The following KAT2B variants were observed in gnomAD, a reference collection of about 807,000 sequenced individuals.
KAT2B encodes histone acetyltransferase KAT2B.
Under a neutral mutation model 105.9 loss-of-function variants are expected in KAT2B, and 36 were observed. The ratio of observed to expected loss-of-function variants is 0.34; its 90% confidence interval spans 0.26 to 0.45. The LOEUF is 0.45. Among genes scored for constraint, KAT2B ranks in the 20% least tolerant of loss-of-function variants. The pLI, the probability that KAT2B is intolerant of heterozygous loss-of-function variation, is 1.00. For missense variants in KAT2B, 820 were observed against 1,021.6 expected (o/e 0.80, Z 2.69); for synonymous variants, 397 against 377.9 (o/e 1.05, Z -0.59).
chr3:20,107,457 A>G (rs1699041133), intron 5 of KAT2B, among the ~76,000 whole-genome samples: 3 of 151,404 alleles, frequency 2.0e-5, no homozygotes. Flanking sequence ...CAGGAGTTCA[A>G]GACCAGCCTG....
intron 1 of KAT2B, among the ~76,000 whole-genome samples, chr3:20,062,296 T>A (rs190296173): frequency 0.036 from 1,769 of 48,810 alleles, 252 homozygotes; most frequent in Non-Finnish European, 0.075. Flanking sequence ...TAATATATAA[T>A]ATATAAAATA....
intron 1 of KAT2B, among the ~76,000 whole-genome samples, chr3:20,061,195 T>C (rs1273068982): frequency 6.6e-6 from 1 of 152,198 alleles, no homozygotes; most frequent in Non-Finnish European, 1.5e-5. Context: ...TGAATTTGGC[T>C]ACCATAGACA....
At chr3:20,067,746 C>T (rs147694086) in intron 1 of KAT2B, among the ~76,000 whole-genome samples, 9,288 of 152,060 alleles carry the variant, frequency 0.061, 302 homozygotes, top group Non-Finnish European at 0.075. Context: ...GCGATCTTGG[C>T]TCACTGCAAC....
chr3:20,057,657 A>T (rs1698023985), intron 1 of KAT2B, among the ~76,000 whole-genome samples: 1 of 152,194 alleles, frequency 6.6e-6, no homozygotes, highest in African/African-American at 2.4e-5. Context: ...TGGATTTAGC[A>T]TTCCAGGGTA....
At chr3:20,062,557 G>A (rs1359328990) in intron 1 of KAT2B, among the ~76,000 whole-genome samples, 3 of 149,504 alleles carry the variant, frequency 2.0e-5, no homozygotes, top group African/African-American at 7.4e-5. Flanking sequence ...TGCCTCCTGG[G>A]TTCAAGCGAT....
intron 2 of KAT2B, among the ~76,000 whole-genome samples, chr3:20,072,899 A>G (rs537559103): frequency 5.1e-4 from 78 of 151,978 alleles, no homozygotes; most frequent in Middle Eastern, 3.4e-3. Flanking sequence ...TTTTATCTTC[A>G]TATTCCTTAG....
chr3:20,080,977 C>T (rs1698508888), intron 2 of KAT2B, among the ~76,000 whole-genome samples: 1 of 152,150 alleles, frequency 6.6e-6, no homozygotes, highest in Admixed American at 6.6e-5. Context: ...CTGGACTGCT[C>T]TCATCTAATG....
chr3:20,073,292 A>G (rs899900250), intron 2 of KAT2B, among the ~76,000 whole-genome samples: 1 of 152,204 alleles, frequency 6.6e-6, no homozygotes, highest in Non-Finnish European at 1.5e-5. Context: ...CTGCAAGGAC[A>G]TAGCACTCAC....
At chr3:20,065,410 G>A (rs1490079645) in intron 1 of KAT2B, among the ~76,000 whole-genome samples, 1 of 152,150 alleles carries the variant, frequency 6.6e-6, no homozygotes, top group Non-Finnish European at 1.5e-5. Flanking sequence ...GAGAGACATG[G>A]GAAAGGTGTT....
chr3:20,117,090 G>A (rs1208398388), intron 7 of KAT2B, among the ~76,000 whole-genome samples: 1 of 149,658 alleles, frequency 6.7e-6, no homozygotes, highest in Non-Finnish European at 1.5e-5. Context: ...GGATTTCTGT[G>A]TGTGAAAACT....
intron 11 of KAT2B, among the ~76,000 whole-genome samples, chr3:20,132,101 G>A (rs888851046): frequency 2.6e-5 from 4 of 152,146 alleles, no homozygotes; most frequent in South Asian, 2.1e-4. Context: ...TGGGCCAGGC[G>A]TGGTGGCTCA....
At chr3:20,107,093 T>A (rs1413551422) in intron 5 of KAT2B, among the ~76,000 whole-genome samples, 1 of 128,666 alleles carries the variant, frequency 7.8e-6, no homozygotes, top group African/African-American at 2.9e-5. Flanking sequence ...GGTGCAGTGG[T>A]GCAATCTTGG....
rs948386410 is a variant in KAT2B, at chr3:20,152,263, C to T, written c.2306-69C>T. ...AAACCAACAACATAGATTCCTTTCC[C>T]AGTCCCAGTTTTGTCAGCTGGTGTT... On this transcript the variant is annotated intron_variant, in intron 17 of 17. Transcript: ENST00000263754. 4 of 1,046,362 alleles carry T rather than the reference C, an allele frequency of 3.8e-6. No individual in the cohort carries two copies. In the Admixed American group the frequency reaches 8.5e-5, roughly 22 times the overall value. 64.8% of individuals were successfully genotyped at this position (1,046,362 alleles called of 1,614,324 possible).
At chr3:20,061,052 A>T (rs191959802) in intron 1 of KAT2B, among the ~76,000 whole-genome samples, 3 of 152,194 alleles carry the variant, frequency 2.0e-5, no homozygotes, top group African/African-American at 7.2e-5. Context: ...AGAAATTCAC[A>T]TTATTGTGCA....
At position 20,072,345 on chromosome 3, in the gene KAT2B, T is replaced by C. The variant is rs1400812066; in HGVS notation, c.316T>C (p.Cys106Arg). 6.2e-7 allele frequency: 1 copy of C among 1,613,570 alleles called. No individual in the cohort carries two copies. The highest frequency in any genetic ancestry group is 8.5e-7 in the Non-Finnish European group (1 of 1,179,570). ...VYSACKAEES[C>R]KCNGWKNPNP... ...ATTCCATTTTTAGGCCGAGGAGTCT[T>C]GTAAATGTAATGGCTGGAAAAACCC... Residue 106 changes from cysteine to arginine, a missense_variant, in exon 2 of 18, where the codon TGT becomes CGT. Cys to Arg is a radical substitution (Grantham distance 180, BLOSUM62 -3). Coordinates refer to ENST00000263754, the MANE Select transcript of KAT2B (RefSeq NM_003884.5).
intron 5 of KAT2B, among the ~76,000 whole-genome samples, chr3:20,106,496 C>T (rs867053790): frequency 8.5e-5 from 13 of 152,166 alleles, no homozygotes; most frequent in African/African-American, 2.6e-4. Flanking sequence ...CACACATTGA[C>T]TCAGCCTCAT....
intron 13 of KAT2B, among the ~76,000 whole-genome samples, chr3:20,143,903 G>C (rs1699737051): frequency 6.6e-6 from 1 of 152,140 alleles, no homozygotes; most frequent in African/African-American, 2.4e-5. Context: ...AGGGAGAGGA[G>C]TAAGGGTTGA....
rs1365969993 is a variant in KAT2B at position 20,062,140 on chromosome 3, TA to T, written c.304-10191del. 5.6e-4 allele frequency among the ~76,000 whole-genome samples: 49 copies of T among 87,632 alleles called. 1 individual carries two copies. The highest frequency in any genetic ancestry group is 2.2e-3 in the African/African-American group (43 of 19,486). 57.5% of individuals were successfully genotyped at this position (87,632 alleles called of 152,430 possible). A position where few individuals can be genotyped will look rare whatever the true frequency, so the allele number is the denominator to read the frequency against. On this transcript the variant is annotated intron_variant, in intron 1 of 17. Transcript: ENST00000263754. Reference sequence around the variant, plus strand: ...ATAAAACATATATATATAAAATATATAATATATAAAAATATATAATATATAA... The same window carrying T: ...ATAAAACATATATATATAAAATATATATATATAAAAATATATAATATATAA...
chr3:20,103,033 A>G (rs1698936287), intron 5 of KAT2B, among the ~76,000 whole-genome samples: 1 of 152,232 alleles, frequency 6.6e-6, no homozygotes, highest in Non-Finnish European at 1.5e-5. Flanking sequence ...AATATATGCA[A>G]TTTCAGTTAT....
Sources: allele counts gnomAD v4.1 joint callset (sites outside exome capture counted in the v4.1 genomes callset), GRCh38; gene constraint gnomAD v4.1.1; transcripts MANE v1.5; gene names NCBI Gene and HGNC (gene_info 2026-07-23, HGNC 2026-07-21).